AP2A2: variants seen among roughly 807,000 people sequenced by gnomAD.
The protein encoded by AP2A2 is AP-2 complex subunit alpha-2.
AP2A2 carries 32 observed loss-of-function variants against 104.2 expected under a neutral mutation model. The observed-to-expected ratio is 0.31, with a 90% CI of 0.23 to 0.41. The LOEUF is 0.41. Ranked by LOEUF, AP2A2 falls within the 10% of genes least tolerant of loss-of-function variation. The probability of loss-of-function intolerance (pLI) is 1.00; values close to 1 mark genes in which losing one functional copy is unlikely to be tolerated. For missense variants in AP2A2, 912 were observed against 1,261.0 expected (o/e 0.72, Z 4.19); for synonymous variants, 539 against 533.3 (o/e 1.01, Z -0.15).
rs1195922265 is a variant in AP2A2 at position 981,290 on chromosome 11, G to A, written c.696G>A (p.Arg232=). 7 of 1,611,466 alleles carry A rather than the reference G, an allele frequency of 4.3e-6. No homozygotes were observed. The highest frequency in any genetic ancestry group is 5.9e-6 in the Non-Finnish European group (7 of 1,178,152). The change falls in exon 6 of 22, where the codon AGG becomes AGA. Residue 232 remains arginine, a synonymous_variant. Coordinates refer to ENST00000448903, the MANE Select transcript of AP2A2 (RefSeq NM_012305.4). ...FKTSVSLAVS[R]LSRIVTSAST... ...CCTCCGTGTCTCTGGCTGTCTCTAG[G>A]CTAAGCAGAGTAAGTCTGTTCGTGG... is the stretch of plus-strand genomic sequence containing the variant.
chr11:1,004,405 G>A (rs567462926), intron 16 of AP2A2, among the ~76,000 whole-genome samples: 11 of 151,952 alleles, frequency 7.2e-5, no homozygotes, highest in South Asian at 2.1e-4. Flanking sequence ...CCTGGGAGGC[G>A]GAGGTTGCAG....
In AP2A2 at chr11:1,008,241, C is replaced by T. The variant is rs569101501; in HGVS notation, c.2420+106C>T. ...GTGTCCTTCCTGAGGGGACCCGGGGCGTGCGGGTGCTCACGGTGCATGGAT... is the reference window on the plus strand; with the variant it reads ...GTGTCCTTCCTGAGGGGACCCGGGGTGTGCGGGTGCTCACGGTGCATGGAT... On this transcript the variant is annotated intron_variant, in intron 18 of 21. Coordinates refer to ENST00000448903, the MANE Select transcript of AP2A2 (RefSeq NM_012305.4). 26 of 1,410,840 alleles carry T rather than the reference C, an allele frequency of 1.8e-5. No individual in the cohort carries two copies. The African/African-American group carries it at 2.0e-4, about 11-fold the overall frequency. The allele number at this position is 1,410,840 out of a possible 1,614,324, so 87.4% of individuals were successfully genotyped here.
In AP2A2 at chr11:993,963, C is replaced by G; in HGVS notation, c.1760C>G (p.Thr587Ser). Reference protein sequence around the residue: ...QRAVEYLRLSTVASTDILATV... With the variant: ...QRAVEYLRLSSVASTDILATV... ...GCTGTGGAGTACCTGCGGCTCAGCA[C>G]CGTGGCCAGCACCGACATTCTGGTA... Residue 587 changes from threonine (T) to serine (S), a missense_variant, in exon 13 of 22, where the codon ACC (threonine) becomes AGC (serine). Physicochemically the swap from Thr to Ser is moderately conservative, Grantham distance 58. This residue lies in a region of AP2A2 where 137 missense variants were observed against 186.9 expected (regional missense o/e 0.73). Coordinates refer to ENST00000448903, the MANE Select transcript of AP2A2 (RefSeq NM_012305.4). The surrounding 1 kb of genome is among the most constrained non-coding windows in gnomAD (Gnocchi z 8.2). 6.2e-7 allele frequency: 1 copy of G among 1,612,112 alleles called. No individual in the cohort carries two copies. The highest frequency in any genetic ancestry group is 1.3e-5 in the African/African-American group (1 of 75,050).
intron 9 of AP2A2, among the ~76,000 whole-genome samples, chr11:987,992 A>T (rs1173613898): frequency 6.6e-6 from 1 of 152,224 alleles, no homozygotes; most frequent in Non-Finnish European, 1.5e-5. Context: ...TGTTTGTTTT[A>T]GTCAATCCCT....
At chr11:930,217 A>C (rs559555495) in intron 1 of AP2A2, among the ~76,000 whole-genome samples, 36 of 151,918 alleles carry the variant, frequency 2.4e-4, no homozygotes, top group African/African-American at 8.0e-4. Flanking sequence ...CACTTCAAGT[A>C]ACCCACTCCC....
intron 1 of AP2A2, chr11:946,894 G>A (rs534963767): frequency 1.3e-5 from 2 of 152,222 alleles, no homozygotes; most frequent in East Asian, 1.9e-4. Flanking sequence ...AGGACACTAG[G>A]TGGTAGGATA....
At chr11:952,553 G>A (rs1464701535) in intron 1 of AP2A2, among the ~76,000 whole-genome samples, 1 of 152,196 alleles carries the variant, frequency 6.6e-6, no homozygotes, top group Non-Finnish European at 1.5e-5. Context: ...AGTTCACTGC[G>A]AGAATTCCCT....
chr11:994,589 C>T (rs1016924737), intron 14 of AP2A2, among the ~76,000 whole-genome samples: 3 of 144,916 alleles, frequency 2.1e-5, no homozygotes, highest in Non-Finnish European at 4.5e-5. Flanking sequence ...GCCCCGTTGT[C>T]CTGTCCCGGG....
chr11:933,693 A>G (rs1853361450), intron 1 of AP2A2: 2 of 455,156 alleles, frequency 4.4e-6, no homozygotes, highest in African/African-American at 2.0e-5. Context: ...GCCCAGCACC[A>G]GGGTGGGAGA....
At chr11:965,928 C>G (rs879614312) in intron 2 of AP2A2, among the ~76,000 whole-genome samples, 4 of 152,218 alleles carry the variant, frequency 2.6e-5, no homozygotes, top group African/African-American at 7.2e-5. Context: ...GCAGCCTTGA[C>G]TTCCTGGGCT....
At chr11:936,563 T>C (rs929378112) in intron 1 of AP2A2, among the ~76,000 whole-genome samples, 1 of 151,992 alleles carries the variant, frequency 6.6e-6, no homozygotes, top group African/African-American at 2.4e-5. Context: ...TTTAAAAAAC[T>C]TTTTTGTAGA....
intron 1 of AP2A2, among the ~76,000 whole-genome samples, chr11:941,266 T>C (rs1853635258): frequency 6.6e-6 from 1 of 152,154 alleles, no homozygotes; most frequent in African/African-American, 2.4e-5. Context: ...CTTGCTCTCC[T>C]TGGCTGAGTC....
rs1472111623 is a variant in AP2A2 at position 988,903 on chromosome 11, G to A, written c.1269+214G>A. The A allele has an allele frequency of 8.1e-6, 5 of 619,658 alleles. No individual in the cohort carries two copies. In the African/African-American group the frequency reaches 9.2e-5, roughly 11 times the overall value. The allele number at this position is 619,658 out of a possible 1,614,324, so 38.4% of individuals were successfully genotyped here. On this transcript the variant is annotated intron_variant, in intron 10 of 21. Coordinates refer to ENST00000448903, the MANE Select transcript of AP2A2 (RefSeq NM_012305.4). The stretch of plus-strand genomic sequence containing the variant: ...CCCGCTACTCCTGAGGTGGAGGCGG[G>A]AGGATCACCTGAGGCCAGGAGGTTG...
chr11:936,965 T>C (rs994004781), intron 1 of AP2A2, among the ~76,000 whole-genome samples: 11 of 152,272 alleles, frequency 7.2e-5, no homozygotes, highest in Non-Finnish European at 1.5e-5. Flanking sequence ...TCTTCTCTCC[T>C]CTTTCCTGAG....
intron 1 of AP2A2, chr11:956,864 A>C (rs556228764): frequency 6.6e-6 from 1 of 152,358 alleles, no homozygotes; most frequent in South Asian, 2.1e-4. Flanking sequence ...ACAACACAGA[A>C]GACTTCTGTG....
intron 15 of AP2A2, chr11:1,001,561 G>A (rs7396049): frequency 0.51 from 78,018 of 152,286 alleles, 20,524 homozygotes; most frequent in Admixed American, 0.65. Flanking sequence ...TTCCTGTTAC[G>A]TGTTGGGAAA....
intron 1 of AP2A2, among the ~76,000 whole-genome samples, chr11:941,746 C>A (rs1230745101): frequency 6.6e-6 from 1 of 151,726 alleles, no homozygotes; most frequent in African/African-American, 2.4e-5. Flanking sequence ...CACCACCACG[C>A]CCGGCTAATT....
Position 1,000,471 on chromosome 11 carries a change from G to A in AP2A2, c.1996G>A (p.Ala666Thr), listed in dbSNP as rs1743232550. The A allele has an allele frequency of 1.9e-6, 3 of 1,541,644 alleles. No individual in the cohort carries two copies. Among genetic ancestry groups the A allele is most frequent in the Non-Finnish European group, 2.6e-6 (3 of 1,147,318 alleles). The change falls in exon 15 of 22, where the codon GCT becomes ACT. Residue 666 changes from alanine (A) to threonine (T), a missense_variant. Around this residue, in one of 7 missense-constraint regions of AP2A2, gnomAD observed 105 missense variants for 90.9 expected, o/e 1.16. Transcript: ENST00000448903. Reference protein sequence around the residue: ...SPSADLLGLGAAPPAPAGPPP... With the variant: ...SPSADLLGLGTAPPAPAGPPP... ...GTCGGCAGACCTGCTGGGTCTCGGG[G>A]CTGCCCCCCCTGCCCCCGCGGGCCC...
intron 1 of AP2A2, among the ~76,000 whole-genome samples, chr11:934,909 A>T (rs1853402386): frequency 6.7e-6 from 1 of 150,306 alleles, no homozygotes; most frequent in African/African-American, 2.5e-5. Context: ...CCCAGGCTGG[A>T]GTGCAGTGGC....
Sources: allele counts gnomAD v4.1 joint callset (sites outside exome capture counted in the v4.1 genomes callset), GRCh38; gene constraint gnomAD v4.1.1; regional missense constraint gnomAD v4.1.1; non-coding constraint Gnocchi (gnomAD v3.1); transcripts MANE v1.5; gene names NCBI Gene and HGNC (gene_info 2026-07-23, HGNC 2026-07-21).